Variants in PCDH15 observed in about 807,000 individuals in gnomAD.
PCDH15 encodes protocadherin related 15.
PCDH15 carries 129 observed loss-of-function variants against 178.5 expected under a neutral mutation model. The observed-to-expected ratio is 0.72, with a 90% CI of 0.63 to 0.84. The LOEUF (loss-of-function observed/expected upper bound fraction) is 0.84, where lower values mean the gene tolerates loss of function less well. Ranked by LOEUF, PCDH15 falls within the 40% of genes least tolerant of loss-of-function variation. PCDH15 has a pLI of 0.00. For synonymous variants in PCDH15, 800 were observed against 732.0 expected, an observed-to-expected ratio of 1.09 and a Z score of -1.50; for missense variants, 2,230 against 2,099.9, an observed-to-expected ratio of 1.06 and a Z score of -1.21.
intron 2 of PCDH15, among the ~76,000 whole-genome samples, chr10:54,931,145 G>T (rs534248738): frequency 6.6e-6 from 1 of 152,220 alleles, no homozygotes; most frequent in African/African-American, 2.4e-5. Context: ...ACATTTCTGA[G>T]CATTTGAAAA....
chr10:55,349,958 T>A (rs547971540), intron 2 of PCDH15, among the ~76,000 whole-genome samples: 1 of 151,936 alleles, frequency 6.6e-6, no homozygotes, highest in Non-Finnish European at 1.5e-5. Flanking sequence ...GGTATAATAA[T>A]CCATTCCATG....
At chr10:54,912,985 CTCA>C (rs1954843984) in intron 2 of PCDH15, among the ~76,000 whole-genome samples, 1 of 152,114 alleles carries the variant, frequency 6.6e-6, no homozygotes, top group Non-Finnish European at 1.5e-5. Flanking sequence ...AAAGCCTACA[CTCA>C]TCTGCATAAA....
At chr10:55,624,262 A>T (rs545781701) in intron 2 of PCDH15, among the ~76,000 whole-genome samples, 2 of 152,114 alleles carry the variant, frequency 1.3e-5, no homozygotes, top group South Asian at 4.1e-4. Context: ...CCAAATTCTT[A>T]GTGTAACACC....
intron 2 of PCDH15, among the ~76,000 whole-genome samples, chr10:55,485,829 AC>A (rs1391746398): frequency 1.1e-4 from 17 of 151,742 alleles, no homozygotes; most frequent in Admixed American, 3.3e-4. Flanking sequence ...TTGAAGAGAT[AC>A]TTGCATTCCA....
intron 10 of PCDH15, 21 bp downstream of exon 10, chr10:54,213,915 T>G (rs965406532): frequency 4.2e-6 from 6 of 1,425,748 alleles, no homozygotes; most frequent in Non-Finnish European, 5.9e-6. Context: ...CACAAGGAAA[T>G]AAGATATTAG....
chr10:54,809,104 AAG>A (rs1436659982), intron 3 of PCDH15, among the ~76,000 whole-genome samples: 3 of 152,170 alleles, frequency 2.0e-5, no homozygotes, highest in African/African-American at 7.2e-5. Context: ...GCAAATTTTT[AAG>A]GTATGAATAT....
intron 2 of PCDH15, chr10:54,608,045 T>G (rs2092822421): frequency 4.5e-6 from 2 of 443,306 alleles, no homozygotes; most frequent in East Asian, 7.7e-5. Flanking sequence ...AAAATAATAT[T>G]TTAACTTGAA....
chr10:54,538,653 T>A (rs1227067770), intron 2 of PCDH15, among the ~76,000 whole-genome samples: 2 of 152,152 alleles, frequency 1.3e-5, no homozygotes, highest in Non-Finnish European at 2.9e-5. Context: ...TAAAACTGGA[T>A]CATGGGTGTA....
intron 2 of PCDH15, among the ~76,000 whole-genome samples, chr10:55,557,118 C>A (rs530833823): frequency 1.7e-3 from 266 of 152,180 alleles, no homozygotes; most frequent in African/African-American, 6.3e-3. Flanking sequence ...CCAAACTTAT[C>A]TATCTTTTAA....
At chr10:54,680,751 T>G (rs1205056580) in intron 1 of PCDH15, among the ~76,000 whole-genome samples, 1 of 152,150 alleles carries the variant, frequency 6.6e-6, no homozygotes, top group African/African-American at 2.4e-5. Flanking sequence ...AGACATCACT[T>G]TGCTGCTCCT....
intron 3 of PCDH15, among the ~76,000 whole-genome samples, chr10:54,465,325 C>A (rs2136553810): frequency 6.6e-6 from 1 of 152,058 alleles, no homozygotes; most frequent in South Asian, 2.1e-4. Context: ...CTAAAGTTTA[C>A]TCTCAATCAC....
At chr10:55,423,573 G>GA (rs1838677287) in intron 2 of PCDH15, among the ~76,000 whole-genome samples, 1 of 151,882 alleles carries the variant, frequency 6.6e-6, no homozygotes, top group Non-Finnish European at 1.5e-5. Flanking sequence ...TAAAAGGGGG[G>GA]AAACTCCTCT....
chr10:54,351,927 A>G (rs543934468), intron 5 of PCDH15, among the ~76,000 whole-genome samples: 2 of 152,328 alleles, frequency 1.3e-5, no homozygotes, highest in Admixed American at 1.3e-4. Flanking sequence ...GAATAACCTT[A>G]TATTCACGAA....
chr10:54,024,518 A>C (rs2135341133), intron 18 of PCDH15, among the ~76,000 whole-genome samples: 1 of 152,294 alleles, frequency 6.6e-6, no homozygotes, highest in South Asian at 2.1e-4. Context: ...CTTCTTTGAA[A>C]CAAGAATGTC....
intron 25 of PCDH15, chr10:53,905,199 G>C (rs768462102): frequency 3.9e-6 from 2 of 518,860 alleles, no homozygotes; most frequent in Non-Finnish European, 7.7e-6. Flanking sequence ...TCACCTGAGT[G>C]ACTAAACGTC....
At chr10:54,449,460 T>C (rs2076334219) in intron 3 of PCDH15, among the ~76,000 whole-genome samples, 1 of 151,714 alleles carries the variant, frequency 6.6e-6, no homozygotes, top group Non-Finnish European at 1.5e-5. Context: ...TAACCTTCTC[T>C]ATCCATGAGT....
intron 23 of PCDH15, among the ~76,000 whole-genome samples, chr10:53,945,894 T>C (rs2086531638): frequency 6.9e-6 from 1 of 145,162 alleles, no homozygotes; most frequent in Non-Finnish European, 1.5e-5. Context: ...ACATTTTCTT[T>C]ATCCATTCAT....
chr10:53,898,419 A>G (rs2082113000), intron 26 of PCDH15, among the ~76,000 whole-genome samples: 1 of 152,220 alleles, frequency 6.6e-6, no homozygotes, highest in South Asian at 2.1e-4. Context: ...TTTAAAGACT[A>G]AAGAAAAACG....
chr10:55,436,372 T>A (rs187984733), intron 2 of PCDH15, among the ~76,000 whole-genome samples: 1 of 152,206 alleles, frequency 6.6e-6, no homozygotes. Flanking sequence ...TTTAAATAAT[T>A]TTTCAGTTTT....
Sources: allele counts gnomAD v4.1 joint callset (sites outside exome capture counted in the v4.1 genomes callset), GRCh38; gene constraint gnomAD v4.1.1; transcripts MANE v1.5; gene names NCBI Gene and HGNC (gene_info 2026-07-23, HGNC 2026-07-21).